Variants in JMJD6 observed in about 807,000 individuals in gnomAD.
The protein encoded by JMJD6 is jumonji domain containing 6, arginine demethylase and lysine hydroxylase, also known as bifunctional arginine demethylase and lysyl-hydroxylase JMJD6.
A neutral mutation model predicts 45.8 loss-of-function variants in JMJD6; 17 were observed. The ratio of observed to expected loss-of-function variants is 0.37; its 90% CI spans 0.25 to 0.56. The LOEUF is 0.56. Among genes scored for constraint, JMJD6 ranks in the 20% least tolerant of loss-of-function variants. JMJD6 has a pLI of 0.79. For missense variants in JMJD6, 470 were observed against 517.5 expected (o/e 0.91, Z 0.89); for synonymous variants, 221 against 196.3 (o/e 1.13, Z -1.05).
intron 2 of JMJD6, among the ~76,000 whole-genome samples, chr17:76,724,549 G>C (rs1363366597): frequency 1.3e-5 from 2 of 152,146 alleles, no homozygotes; most frequent in Non-Finnish European, 2.9e-5. Flanking sequence ...TGGGGCGGTA[G>C]CTCACGCCTG....
At chr17:76,716,787 A>C, downstream of JMJD6, 1 of 1,582,930 alleles carries the variant, frequency 6.3e-7, no homozygotes, top group African/African-American at 1.3e-5. Context: ...CAAAGCTGGA[A>C]GGCAATGTTA....
chr17:76,721,779 A>G lies in JMJD6; in HGVS notation c.941+19T>C. The G allele has an allele frequency of 6.2e-7, 1 of 1,608,964 alleles. No individual in the cohort carries two copies. Among genetic ancestry groups the G allele is most frequent in the African/African-American group, 1.3e-5 (1 of 74,654 alleles). On this transcript the variant is annotated intron_variant, in intron 4 of 5. Transcript: ENST00000397625. ...TCGAAATTGAAACCAAGCAGAAATA[A>G]GAAAAAAATGACTCTCACCTATACC...
chr17:76,726,575 C>T lies in JMJD6; in HGVS notation c.-100G>A. ...GCCTGGGCGGCGGCGACGGCAGTAC[C>T]CAAACGCCCTTCGCTCAGTCCCGGC... On this transcript the variant is annotated 5_prime_UTR_variant, in exon 1 of 6. Coordinates refer to ENST00000397625, the MANE Select transcript of JMJD6 (RefSeq NM_015167.3). The T allele has an allele frequency of 6.9e-7, 1 of 1,440,060 alleles. No individual in the cohort carries two copies. Among genetic ancestry groups the T allele is most frequent in the Non-Finnish European group, 9.2e-7 (1 of 1,088,164 alleles). 89.2% of individuals were successfully genotyped at this position (1,440,060 alleles called of 1,614,324 possible).
downstream of JMJD6, chr17:76,716,521 C>G (rs2076765259): frequency 7.9e-6 from 5 of 629,810 alleles, no homozygotes; most frequent in South Asian, 2.0e-5. Context: ...CCTTAGGAAG[C>G]AGTAAAAACA....
At chr17:76,721,729 T>A in intron 4 of JMJD6, 69 bp downstream of exon 4, 1 of 1,512,996 alleles carries the variant, frequency 6.6e-7, no homozygotes, top group Non-Finnish European at 9.1e-7. Flanking sequence ...ATCGCAGCAG[T>A]GGACTAGCCA....
chr17:76,719,167 A>G (rs1567997763), intron 5 of JMJD6, among the ~76,000 whole-genome samples: 2 of 152,238 alleles, frequency 1.3e-5, no homozygotes, highest in South Asian at 2.1e-4. Flanking sequence ...AAAGTACATT[A>G]TAAGATTTCA....
chr17:76,725,989 G>A (rs943234570), intron 1 of JMJD6, 134 bp from the exon 2 acceptor site: 4 of 1,187,132 alleles, frequency 3.4e-6, no homozygotes, highest in Non-Finnish European at 4.6e-6. Flanking sequence ...CCGGGGTGGG[G>A]GCAGGGCGCG....
chr17:76,713,152 G>A (rs982038548), exon 7 of JMJD6: 1 of 152,230 alleles, frequency 6.6e-6, no homozygotes, highest in Non-Finnish European at 1.5e-5. Context: ...ACCCAGGCTG[G>A]AGTGGCTTGA....
intron 5 of JMJD6, among the ~76,000 whole-genome samples, chr17:76,719,393 A>G (rs1311271007): frequency 6.6e-6 from 1 of 151,942 alleles, no homozygotes; most frequent in East Asian, 1.9e-4. Flanking sequence ...GGTTCAAGTG[A>G]TTCTCCCACC....
chr17:76,724,575 G>C (rs113484140), intron 2 of JMJD6, among the ~76,000 whole-genome samples: 5,744 of 152,050 alleles, frequency 0.038, 364 homozygotes, highest in African/African-American at 0.13. Context: ...CCAGCACTTT[G>C]GGAGGCAGAG....
downstream of JMJD6, among the ~76,000 whole-genome samples, chr17:76,717,832 T>TA (rs66867045): frequency 1.3e-5 from 2 of 150,232 alleles, no homozygotes; most frequent in East Asian, 2.0e-4. Flanking sequence ...CTACTAAAAA[T>TA]AAAAAAAAAT....
intron 2 of JMJD6, 137 bp downstream of exon 2, chr17:76,725,318 AGCGCTTGAACTC>A: frequency 5.8e-6 from 4 of 693,438 alleles, no homozygotes; most frequent in Non-Finnish European, 9.1e-6. Context: ...AGGCAGGAGA[AGCGCTTGAACTC>A]GGGAGATGGA....
chr17:76,724,994 T>C (rs554952347), intron 2 of JMJD6, among the ~76,000 whole-genome samples: 1 of 152,160 alleles, frequency 6.6e-6, no homozygotes, highest in African/African-American at 2.4e-5. Context: ...GTCTCCCCAG[T>C]AGGGCCCAGG....
chr17:76,718,994 G>A (rs1312003121), intron 5 of JMJD6, 134 bp from the exon 6 acceptor site: 15 of 835,352 alleles, frequency 1.8e-5, no homozygotes, highest in Non-Finnish European at 2.5e-5. Flanking sequence ...CATTATGACA[G>A]CTCCACAATG....
At chr17:76,716,522 A>G (rs1218904040), downstream of JMJD6, 3 of 637,766 alleles carry the variant, frequency 4.7e-6, no homozygotes, top group Non-Finnish European at 8.5e-6. Flanking sequence ...CTTAGGAAGC[A>G]GTAAAAACAG....
intron 4 of JMJD6, among the ~76,000 whole-genome samples, chr17:76,720,882 T>C (rs567211455): frequency 6.6e-5 from 10 of 152,336 alleles, no homozygotes; most frequent in Admixed American, 1.3e-4. Flanking sequence ...AAAAAATCTT[T>C]CCTTTCCACA....
chr17:76,718,842 C>G lies in JMJD6; in HGVS notation c.1099G>C (p.Gly367Arg), dbSNP rs1179339900. ...TTCCTGCGGTGCACTGTCCCATCGC[C>G]CTCGGATCCAGACTCGCACTGGACA... ...SDSECESGSEGDGTVHRRKKR... is the reference protein window; with the variant it reads ...SDSECESGSERDGTVHRRKKR... Residue 367 changes from glycine to arginine, a missense_variant, in exon 6 of 6, where the codon GGC (glycine) becomes CGC (arginine). By Grantham distance (125) the Gly-to-Arg change is moderately radical. Transcript: ENST00000397625. The G allele has an allele frequency of 1.2e-6, 2 of 1,613,992 alleles. No individual in the cohort carries two copies. Among genetic ancestry groups the G allele is most frequent in the Non-Finnish European group, 1.7e-6 (2 of 1,180,020 alleles).
At chr17:76,725,406 C>CCAA (rs2076900915) in intron 2 of JMJD6, 61 bp downstream of exon 2, 1 of 829,982 alleles carries the variant, frequency 1.2e-6, no homozygotes, top group Non-Finnish European at 1.6e-6. Flanking sequence ...CGCTCTGTCT[C>CCAA]AAAAAAAAAA....
At chr17:76,720,057 A>G (rs918996194) in intron 5 of JMJD6, among the ~76,000 whole-genome samples, 1 of 152,230 alleles carries the variant, frequency 6.6e-6, no homozygotes, top group Non-Finnish European at 1.5e-5. Flanking sequence ...AGGCAGGAGA[A>G]TCGCTTGAAC....
Sources: allele counts gnomAD v4.1 joint callset (sites outside exome capture counted in the v4.1 genomes callset), GRCh38; gene constraint gnomAD v4.1.1; transcripts MANE v1.5; gene names NCBI Gene and HGNC (gene_info 2026-07-23, HGNC 2026-07-21).